Variants in OBSL1 observed in about 807,000 individuals in gnomAD.
OBSL1 encodes the protein obscurin like cytoskeletal adaptor 1.
OBSL1 carries 160 observed loss-of-function variants against 172.0 expected under a neutral mutation model. The observed-to-expected ratio is 0.93, with a 90% CI of 0.82 to 1.06. The LOEUF (loss-of-function observed/expected upper bound fraction) is 1.06, where lower values mean the gene tolerates loss of function less well. Ranked by LOEUF, OBSL1 falls within the 50% of genes least tolerant of loss-of-function variation. The probability of loss-of-function intolerance (pLI) is 0.00; values close to 1 mark genes in which losing one functional copy is unlikely to be tolerated. For synonymous variants in OBSL1, 1,200 were observed against 1,196.3 expected, an observed-to-expected ratio of 1.00 and a Z score of -0.06; for missense variants, 2,681 against 2,715.4, an observed-to-expected ratio of 0.99 and a Z score of 0.28.
At chr2:219,550,459 TG>T, downstream of OBSL1, 1 of 238,166 alleles carries the variant, frequency 4.2e-6, no homozygotes, top group Non-Finnish European at 8.2e-6. Context: ...GGAAGGGAGT[TG>T]GGGAGGGGTT....
intron 18 of OBSL1, 71 bp downstream of exon 18, chr2:219,552,465 C>T: frequency 6.9e-7 from 1 of 1,459,398 alleles, no homozygotes; most frequent in Non-Finnish European, 9.1e-7. Context: ...GGGCTTGTCC[C>T]GGTGGGGCGG....
At chr2:219,555,700 T>C in intron 14 of OBSL1, 3 of 1,159,210 alleles carry the variant, frequency 2.6e-6, no homozygotes, top group Non-Finnish European at 3.2e-6. Context: ...CCATCCCTGC[T>C]ACTTAAGTGG....
downstream of OBSL1, chr2:219,549,328 C>T (rs961589766): frequency 3.7e-6 from 6 of 1,613,682 alleles, no homozygotes; most frequent in South Asian, 1.1e-5. Flanking sequence ...GCCCATCAAA[C>T]GCTTCAATGG....
At position 219,571,031 on chromosome 2, in the gene OBSL1, C is replaced by T. The variant is rs762604451; in HGVS notation, c.202G>A (p.Gly68Ser). The T allele has an allele frequency of 3.4e-5, 49 of 1,455,204 alleles. No individual in the cohort carries two copies. The South Asian group carries it at 4.9e-4, about 14-fold the overall frequency. The allele number at this position is 1,455,204 out of a possible 1,614,324, so 90.1% of individuals were successfully genotyped here. A position where few individuals can be genotyped will look rare whatever the true frequency, so the allele number is the denominator to read the frequency against. Reference sequence around the variant, plus strand: ...GGCAGTGCGGCGGTCAGCAGCAGGCCGTGCTCCGCGCCGTCCGCCGGGAAG... The same window carrying T: ...GGCAGTGCGGCGGTCAGCAGCAGGCTGTGCTCCGCGCCGTCCGCCGGGAAG... The part of the protein sequence containing the change: ...LSFPADGAEH[G>S]LLLTAALPTD... The change falls in exon 1 of 21, where the codon GGC becomes AGC. Residue 68 changes from glycine (G) to serine (S), a missense_variant. Gly to Ser is a moderately conservative substitution (Grantham distance 56). Coordinates refer to ENST00000404537, the MANE Select transcript of OBSL1 (RefSeq NM_015311.3).
intron 1 of OBSL1, 87 bp downstream of exon 1, chr2:219,570,134 G>A (rs1254616987): frequency 2.1e-5 from 25 of 1,191,756 alleles, no homozygotes; most frequent in Non-Finnish European, 2.8e-5. Context: ...AGTCTTGGGG[G>A]CAGCGCTGGG....
intron 16 of OBSL1, 143 bp from the exon 17 acceptor site, chr2:219,553,167 G>T (rs1487500109): frequency 1.7e-6 from 2 of 1,207,326 alleles, no homozygotes; most frequent in Non-Finnish European, 1.1e-6. Flanking sequence ...GCTGGGGTCG[G>T]ACTGTCCCCA....
chr2:219,565,962 T>C (rs1300922160), intron 5 of OBSL1, among the ~76,000 whole-genome samples: 1 of 152,164 alleles, frequency 6.6e-6, no homozygotes, highest in Non-Finnish European at 1.5e-5. Context: ...TCCTTGAACT[T>C]TGAGCGCCCC....
In OBSL1 at chr2:219,552,665, A is replaced by C; in HGVS notation, c.5179T>G (p.Ser1727Ala). The change falls in exon 18 of 21, where the codon TCG becomes GCG. Residue 1727 changes from serine to alanine, a missense_variant. Physicochemically the swap from Ser to Ala is moderately conservative, Grantham distance 99 (BLOSUM62 1). Transcript: ENST00000404537. ...CCGTCGCCTTCGCGGGCGCTCACCG[A>C]CCGCAGCTCGGAGAGTACCGCCACA... ...RTVAVLSELR[S>A]VSAREGDGAT... 1 of 1,538,858 alleles carries C rather than the reference A, an allele frequency of 6.5e-7. No homozygotes were observed. The highest frequency in any genetic ancestry group is 8.7e-7 in the Non-Finnish European group (1 of 1,146,366).
chr2:219,556,547 T>G lies in OBSL1; in HGVS notation c.4243A>C (p.Ile1415Leu). Reference sequence around the variant, plus strand: ...AGTTGGCAGCCTCGCAAGGTTAAGATGCGGCTTGAACCATTCTGGGCCATC... The same window carrying G: ...AGTTGGCAGCCTCGCAAGGTTAAGAGGCGGCTTGAACCATTCTGGGCCATC... Reference protein sequence around the residue: ...VEMAQNGSSRILTLRGCQLGD... With the variant: ...VEMAQNGSSRLLTLRGCQLGD... Residue 1415 changes from isoleucine to leucine, a missense_variant, in exon 13 of 21, where the codon ATC becomes CTC. Ile to Leu is a conservative substitution (Grantham distance 5, BLOSUM62 2). Coordinates refer to ENST00000404537, the MANE Select transcript of OBSL1 (RefSeq NM_015311.3). The G allele has an allele frequency of 6.2e-7, 1 of 1,613,908 alleles. No homozygotes were observed. The highest frequency in any genetic ancestry group is 8.5e-7 in the Non-Finnish European group (1 of 1,179,878).
rs770636038 is a variant in OBSL1 at position 219,557,515 on chromosome 2, G to T, written c.3894C>A (p.Gly1298=). 2.6e-6 allele frequency: 4 copies of T among 1,552,328 alleles called. No homozygotes were observed. Among genetic ancestry groups the T allele is most frequent in the African/African-American group, 1.4e-5 (1 of 73,258 alleles). ...ELVVHLSGPG[G]PVRWYKDGER... ...CCCCGTCCTTGTACCAGCGTACAGG[G>T]CCCCCTGGCCCGGAGAGGTGCACCA... Residue 1298 remains glycine (G), a synonymous_variant, in exon 12 of 21, where the codon GGC becomes GGA. Transcript: ENST00000404537.
At position 219,557,841 on chromosome 2, in the gene OBSL1, A is replaced by G; in HGVS notation, c.3772T>C (p.Phe1258Leu). The G allele has an allele frequency of 6.3e-7, 1 of 1,599,080 alleles. No homozygotes were observed. The highest frequency in any genetic ancestry group is 8.5e-7 in the Non-Finnish European group (1 of 1,179,284). The change falls in exon 11 of 21, where the codon TTC becomes CTC. Residue 1258 changes from phenylalanine to leucine, a missense_variant. By Grantham distance (22) the Phe-to-Leu change is conservative (BLOSUM62 0). Around this residue, in one of 5 missense-constraint regions of OBSL1, gnomAD observed 1,765 missense variants for 1,748.3 expected, o/e 1.01. Transcript: ENST00000404537. ...TACTCACCAGCCACCTGGACGGTGAAGCTGAGGCTTGGGGCTCCGGGGGCT... is the reference window on the plus strand; with the variant it reads ...TACTCACCAGCCACCTGGACGGTGAGGCTGAGGCTTGGGGCTCCGGGGGCT... Reference protein sequence around the residue: ...GAAPGAPSLSFTVQVAEPPVR... With the variant: ...GAAPGAPSLSLTVQVAEPPVR...
rs373150189 is a variant in OBSL1, at chr2:219,567,377, G to A, written c.1733C>T (p.Pro578Leu). 57 of 1,612,790 alleles carry A rather than the reference G, an allele frequency of 3.5e-5. No individual in the cohort carries two copies. Among genetic ancestry groups the A allele is most frequent in the Non-Finnish European group, 4.3e-5 (51 of 1,179,438 alleles). Residue 578 changes from proline (P) to leucine (L), a missense_variant, in exon 4 of 21, where the codon CCG becomes CTG. Transcript: ENST00000404537. ...ACCCTCGGAGGGCACACAGTCGCCCGGCACCTCCACGGCTCCGGCTTTCTC... is the reference window on the plus strand; with the variant it reads ...ACCCTCGGAGGGCACACAGTCGCCCAGCACCTCCACGGCTCCGGCTTTCTC... The part of the protein sequence containing the change: ...SIEKAGAVEV[P>L]GDCVPSEGDY...
At chr2:219,547,502 C>G (rs1366438451), downstream of OBSL1, 1 of 1,421,238 alleles carries the variant, frequency 7.0e-7, no homozygotes, top group East Asian at 2.5e-5. Flanking sequence ...CTGTTCCCCT[C>G]CAGGTTACCG....
At chr2:219,549,886 C>G (rs752900845), downstream of OBSL1, 23 of 1,594,444 alleles carry the variant, frequency 1.4e-5, no homozygotes, top group Non-Finnish European at 1.9e-5. Context: ...CTGCAGTCAC[C>G]AGCTCTGCCA....
rs1220241387 is a variant in OBSL1 at position 219,558,202 on chromosome 2, A to C, written c.3484T>G (p.Phe1162Val). 1 of 1,608,246 alleles carries C rather than the reference A, an allele frequency of 6.2e-7. No homozygotes were observed. Among genetic ancestry groups the C allele is most frequent in the Non-Finnish European group, 8.5e-7 (1 of 1,175,616 alleles). ...VCETRHEAIT[F>V]NVILAEPPVQ... ...CACCCACCAGCCAGGATGACATTGA[A>C]GGTGATGGCCTCATGCCGGGTCTCA... The change falls in exon 10 of 21, where the codon TTC (phenylalanine) becomes GTC (valine). Residue 1162 changes from phenylalanine to valine, a missense_variant. By Grantham distance (50) the Phe-to-Val change is conservative. This residue lies in a region of OBSL1 where 1,765 missense variants were observed against 1,748.3 expected (regional missense o/e 1.01). Coordinates refer to ENST00000404537, the MANE Select transcript of OBSL1 (RefSeq NM_015311.3).
rs1167231498 is a variant in OBSL1, at chr2:219,558,285, G to A, written c.3401C>T (p.Pro1134Leu). 1 of 1,611,680 alleles carries A rather than the reference G, an allele frequency of 6.2e-7. No homozygotes were observed. Among genetic ancestry groups the A allele is most frequent in the South Asian group, 1.1e-5 (1 of 90,566 alleles). The change falls in exon 10 of 21, where the codon CCC becomes CTC. Residue 1134 changes from proline to leucine, a missense_variant. Pro to Leu is a moderately conservative substitution (Grantham distance 98, BLOSUM62 -3). This residue lies in a region of OBSL1 where 1,765 missense variants were observed against 1,748.3 expected (regional missense o/e 1.01). Coordinates refer to ENST00000404537, the MANE Select transcript of OBSL1 (RefSeq NM_015311.3). ...SDALQLGAEG[P>L]TRTLTLPHAQ... is the part of the protein sequence containing the mutation. The stretch of plus-strand genomic sequence containing the variant: ...GTGGGGCAGGGTCAGGGTGCGGGTG[G>A]GCCCCTCGGCACCCAGCTGCAGGGC...
intron 18 of OBSL1, 159 bp downstream of exon 18, chr2:219,552,377 C>G (rs911997202): frequency 1.0e-5 from 9 of 867,492 alleles, no homozygotes; most frequent in South Asian, 5.1e-5. Context: ...AGGTCCGGGA[C>G]TAGGGGCTGG....
intron 1 of OBSL1, chr2:219,569,182 G>A (rs535579097): frequency 2.8e-4 from 42 of 152,284 alleles, no homozygotes; most frequent in Middle Eastern, 3.4e-3. Context: ...TGCAACTCGG[G>A]GAAGCTCCTC....
chr2:219,565,530 T>A lies in OBSL1; in HGVS notation c.2135-16A>T, dbSNP rs781093757. ...ACCGGGCTCTCTGTGTGGGGAGAAGTACAGATAAGCACCCCTCCCTCCGGT... is the reference window on the plus strand; with the variant it reads ...ACCGGGCTCTCTGTGTGGGGAGAAGAACAGATAAGCACCCCTCCCTCCGGT... On this transcript the variant is annotated splice_polypyrimidine_tract_variant and intron_variant, in intron 5 of 20. Transcript: ENST00000404537. 17 of 1,600,934 alleles carry A rather than the reference T, an allele frequency of 1.1e-5. No homozygotes were observed. Among genetic ancestry groups the A allele is most frequent in the Non-Finnish European group, 1.4e-5 (16 of 1,177,640 alleles).
Sources: gnomAD v4.1 joint callset for allele counts (sites outside exome capture counted in the v4.1 genomes callset) on GRCh38, gnomAD v4.1.1 for gene constraint, gnomAD v4.1.1 regional missense constraint, MANE v1.5 for transcripts, NCBI Gene and HGNC (gene_info 2026-07-23, HGNC 2026-07-21) for gene names.